The following MAGI2 variants were observed in gnomAD, a reference collection of about 807,000 sequenced individuals.
The protein encoded by MAGI2 is membrane associated guanylate kinase, WW and PDZ domain containing 2.
Under a neutral mutation model 133.3 loss-of-function variants are expected in MAGI2, and 35 were observed. The ratio of observed to expected loss-of-function variants is 0.26; its 90% CI spans 0.20 to 0.35. The LOEUF (loss-of-function observed/expected upper bound fraction) is 0.35. Ranked by LOEUF, MAGI2 falls within the 10% of genes least tolerant of loss-of-function variation. MAGI2 has a pLI of 1.00. For synonymous variants in MAGI2, 729 were observed against 710.6 expected (o/e 1.03, Z -0.41); for missense variants, 1,636 against 1,863.4 (o/e 0.88, Z 2.25).
At chr7:78,373,969 T>C (rs1794191213) in intron 6 of MAGI2, among the ~76,000 whole-genome samples, 1 of 152,336 alleles carries the variant, frequency 6.6e-6, no homozygotes, top group South Asian at 2.1e-4. Context: ...ATGGTGCATA[T>C]ATACCACATT....
chr7:78,511,548 T>TATATA (rs1554448976), intron 4 of MAGI2, among the ~76,000 whole-genome samples: 1 of 114,942 alleles, frequency 8.7e-6, no homozygotes, highest in African/African-American at 3.7e-5. Context: ...TATATATATA[T>TATATA]AAATTTTTTT....
intron 2 of MAGI2, among the ~76,000 whole-genome samples, chr7:78,980,784 TG>T (rs1804713440): frequency 6.6e-6 from 1 of 151,904 alleles, no homozygotes; most frequent in African/African-American, 2.4e-5. Flanking sequence ...TTTTGTTTTT[TG>T]TTTTTTTAAA....
chr7:79,384,280 T>C (rs530456859), intron 1 of MAGI2, among the ~76,000 whole-genome samples: 2 of 151,590 alleles, frequency 1.3e-5, no homozygotes, highest in East Asian at 1.9e-4. Flanking sequence ...TATGACCATA[T>C]AAAGCTTATG....
intron 1 of MAGI2, among the ~76,000 whole-genome samples, chr7:79,039,780 G>A (rs1037431562): frequency 2.7e-5 from 4 of 148,070 alleles, no homozygotes; most frequent in Non-Finnish European, 4.5e-5. Context: ...TTAGGAGTTC[G>A]AGACATATAT....
chr7:78,842,454 T>C (rs998356075), intron 2 of MAGI2, among the ~76,000 whole-genome samples: 10 of 152,138 alleles, frequency 6.6e-5, no homozygotes, highest in African/African-American at 1.7e-4. Flanking sequence ...TATATGGCAA[T>C]GTATTTTTAG....
At chr7:78,487,353 C>T (rs1793142086) in intron 6 of MAGI2, 1 of 157,608 alleles carries the variant, frequency 6.3e-6, no homozygotes, top group Admixed American at 6.3e-5. Flanking sequence ...CGTAGTCTTT[C>T]TGGTTTCAGG....
intron 7 of MAGI2, among the ~76,000 whole-genome samples, chr7:78,354,389 T>C (rs1791848313): frequency 6.6e-6 from 1 of 152,202 alleles, no homozygotes; most frequent in African/African-American, 2.4e-5. Flanking sequence ...CCTTTGGAGC[T>C]TGACTCTAAG....
intron 1 of MAGI2, among the ~76,000 whole-genome samples, chr7:79,305,924 T>C (rs764102793): frequency 2.6e-5 from 4 of 151,212 alleles, no homozygotes; most frequent in Non-Finnish European, 5.9e-5. Context: ...ATAAATAAGA[T>C]CTAAAACTCC....
chr7:79,177,801 C>T (rs562228033), intron 1 of MAGI2, among the ~76,000 whole-genome samples: 18 of 152,132 alleles, frequency 1.2e-4, no homozygotes, highest in Non-Finnish European at 2.2e-4. Context: ...TAGTATTACT[C>T]GATGTTCCAT....
intron 2 of MAGI2, among the ~76,000 whole-genome samples, chr7:78,652,250 T>G (rs143130315): frequency 2.8e-4 from 43 of 152,298 alleles, no homozygotes; most frequent in African/African-American, 9.9e-4. Context: ...ATCTATTGCA[T>G]CCATCAAACT....
chr7:79,172,428 A>T (rs1410476984), intron 1 of MAGI2, among the ~76,000 whole-genome samples: 1 of 152,042 alleles, frequency 6.6e-6, no homozygotes, highest in South Asian at 2.1e-4. Flanking sequence ...AGATTAGGTT[A>T]TTGGGAGAAA....
At chr7:79,229,084 AT>A (rs532480584) in intron 1 of MAGI2, among the ~76,000 whole-genome samples, 2,655 of 145,478 alleles carry the variant, frequency 0.018, 82 homozygotes, top group African/African-American at 0.061. Flanking sequence ...TACGACAATG[AT>A]TTTTTTTTTT....
intron 2 of MAGI2, among the ~76,000 whole-genome samples, chr7:78,907,095 G>A (rs1033574077): frequency 6.6e-6 from 1 of 152,130 alleles, no homozygotes; most frequent in Admixed American, 6.5e-5. Context: ...TGAAATAGTG[G>A]GTGGGAGGAG....
At chr7:79,002,143 T>G (rs1363321405) in intron 2 of MAGI2, among the ~76,000 whole-genome samples, 1 of 151,460 alleles carries the variant, frequency 6.6e-6, no homozygotes, top group Non-Finnish European at 1.5e-5. Context: ...TCTTTTTTTT[T>G]TTTTTTTAGA....
intron 3 of MAGI2, among the ~76,000 whole-genome samples, chr7:78,593,086 G>A (rs1804205379): frequency 6.6e-6 from 1 of 150,816 alleles, no homozygotes; most frequent in South Asian, 2.1e-4. Flanking sequence ...CTCCCAAATT[G>A]CTAGGATTAC....
At chr7:78,599,275 T>G (rs956901850) in intron 3 of MAGI2, among the ~76,000 whole-genome samples, 1 of 152,184 alleles carries the variant, frequency 6.6e-6, no homozygotes, top group Non-Finnish European at 1.5e-5. Flanking sequence ...CATTTTCACC[T>G]TCATTAAAAT....
At chr7:79,102,538 G>A (rs1040413779) in intron 1 of MAGI2, among the ~76,000 whole-genome samples, 2 of 152,124 alleles carry the variant, frequency 1.3e-5, no homozygotes, top group African/African-American at 4.8e-5. Flanking sequence ...CCTAGTAGAT[G>A]TTTTGATTAA....
At chr7:79,332,920 C>A (rs753578943) in intron 1 of MAGI2, among the ~76,000 whole-genome samples, 2 of 151,942 alleles carry the variant, frequency 1.3e-5, no homozygotes, top group Non-Finnish European at 1.5e-5. Context: ...GTGTTTGATG[C>A]GCATAAATAT....
intron 3 of MAGI2, chr7:78,616,837 A>C (rs1276598389): frequency 6.6e-6 from 1 of 152,176 alleles, no homozygotes; most frequent in Non-Finnish European, 1.5e-5. Context: ...GAAGAAACTT[A>C]GGTATTCATC....
Sources: gnomAD v4.1 joint callset for allele counts (sites outside exome capture counted in the v4.1 genomes callset) on GRCh38, gnomAD v4.1.1 for gene constraint, MANE v1.5 for transcripts, NCBI Gene and HGNC (gene_info 2026-07-23, HGNC 2026-07-21) for gene names.